LINGO2: variants seen among roughly 807,000 people sequenced by gnomAD.
LINGO2 encodes leucine rich repeat and Ig domain containing 2.
LINGO2 carries 14 observed loss-of-function variants against 30.6 expected under a neutral mutation model. The observed-to-expected ratio is 0.46, with a 90% confidence interval of 0.30 to 0.72. The LOEUF is 0.72. Among genes scored for constraint, LINGO2 ranks in the 30% least tolerant of loss-of-function variants. The pLI, the probability that LINGO2 is intolerant of heterozygous loss-of-function variation, is 0.07. For missense variants in LINGO2, 729 were observed against 751.7 expected (o/e 0.97, Z 0.35); for synonymous variants, 317 against 288.5 (o/e 1.10, Z -1.00).
intron 1 of LINGO2, among the ~76,000 whole-genome samples, chr9:28,575,800 T>C (rs1303708991): frequency 6.6e-6 from 1 of 152,154 alleles, no homozygotes; most frequent in Non-Finnish European, 1.5e-5. Context: ...TCTGTACCAT[T>C]TGCATGGAAC....
intron 2 of LINGO2, among the ~76,000 whole-genome samples, chr9:28,416,124 C>T (rs190579391): frequency 6.6e-6 from 1 of 152,202 alleles, no homozygotes; most frequent in East Asian, 1.9e-4. Context: ...GCTCATTATA[C>T]CACTATCACA....
At chr9:28,763,701 T>C in the LINGO2 span, among the ~76,000 whole-genome samples, 20 of 151,106 alleles carry the variant, frequency 1.3e-4, 2 homozygotes, top group African/African-American at 4.9e-4. Context: ...ATAAATTAAA[T>C]AGAGAATCTA....
chr9:28,443,732 G>A (rs1824292543), intron 2 of LINGO2, among the ~76,000 whole-genome samples: 1 of 152,194 alleles, frequency 6.6e-6, no homozygotes, highest in African/African-American at 2.4e-5. Flanking sequence ...GGAGCTGAGG[G>A]TGACTCAGTG....
intron 3 of LINGO2, among the ~76,000 whole-genome samples, chr9:28,357,315 G>GAACCCCC (rs796282898): frequency 1.5e-5 from 1 of 66,060 alleles, no homozygotes; most frequent in Non-Finnish European, 3.5e-5. Flanking sequence ...CAGAAATAAA[G>GAACCCCC]CCCACCCCCC....
At chr9:28,183,712 G>T (rs1004970354) in intron 4 of LINGO2, among the ~76,000 whole-genome samples, 1 of 152,128 alleles carries the variant, frequency 6.6e-6, no homozygotes, top group African/African-American at 2.4e-5. Flanking sequence ...CTGTATACAT[G>T]TAAGTGTCTC....
chr9:28,093,284 G>T (rs1374040548), intron 4 of LINGO2, among the ~76,000 whole-genome samples: 2 of 151,906 alleles, frequency 1.3e-5, no homozygotes, highest in Non-Finnish European at 2.9e-5. Flanking sequence ...AGACACCTCT[G>T]TGAAAAAAAA....
chr9:28,864,385 G>A, the LINGO2 span, among the ~76,000 whole-genome samples: 1 of 151,974 alleles, frequency 6.6e-6, no homozygotes, highest in African/African-American at 2.4e-5. Context: ...GTTCAACTCT[G>A]AAAGAAAACC....
chr9:28,417,434 G>A (rs1362221516), intron 2 of LINGO2, among the ~76,000 whole-genome samples: 1 of 152,184 alleles, frequency 6.6e-6, no homozygotes, highest in East Asian at 1.9e-4. Flanking sequence ...ATTTTAAAAT[G>A]TGGCATTGGC....
At chr9:27,966,948 C>G (rs1820132166) in intron 5 of LINGO2, among the ~76,000 whole-genome samples, 1 of 152,050 alleles carries the variant, frequency 6.6e-6, no homozygotes, top group African/African-American at 2.4e-5. Context: ...GTAGTTTTCC[C>G]TTGCAGATTC....
At chr9:28,577,208 T>A (rs1227037650) in intron 1 of LINGO2, among the ~76,000 whole-genome samples, 1 of 152,214 alleles carries the variant, frequency 6.6e-6, no homozygotes, top group Non-Finnish European at 1.5e-5. Flanking sequence ...TATTAGCTCT[T>A]GTTCCAGAGG....
the LINGO2 span, among the ~76,000 whole-genome samples, chr9:28,931,283 T>C: frequency 1.1e-4 from 17 of 152,350 alleles, 1 homozygote; most frequent in East Asian, 3.3e-3. Context: ...GACACTAATA[T>C]AAAAGAGTGA....
chr9:28,564,169 A>T (rs1823245558), intron 1 of LINGO2, among the ~76,000 whole-genome samples: 1 of 152,178 alleles, frequency 6.6e-6, no homozygotes, highest in Non-Finnish European at 1.5e-5. Context: ...CAAAATAATT[A>T]TCTTTTGCTG....
chr9:29,051,796 G>A, the LINGO2 span, among the ~76,000 whole-genome samples: 5 of 151,926 alleles, frequency 3.3e-5, no homozygotes, highest in Admixed American at 3.3e-4. Context: ...TTCAAATTCT[G>A]GCTCCACCCA....
intron 2 of LINGO2, among the ~76,000 whole-genome samples, chr9:28,391,689 T>G (rs1446554233): frequency 1.3e-5 from 2 of 152,076 alleles, no homozygotes; most frequent in Non-Finnish European, 2.9e-5. Flanking sequence ...AATCATGTTT[T>G]CTTTATTGCT....
chr9:28,647,566 T>G (rs1174791530), intron 1 of LINGO2, among the ~76,000 whole-genome samples: 1 of 152,066 alleles, frequency 6.6e-6, no homozygotes, highest in Admixed American at 6.6e-5. Context: ...TTCCTGGATC[T>G]ATACTTTTAT....
intron 5 of LINGO2, 68 bp from the exon 7 acceptor site, chr9:27,950,774 T>C (rs948086039): frequency 9.7e-6 from 8 of 828,124 alleles, no homozygotes; most frequent in Non-Finnish European, 1.0e-5. Flanking sequence ...TGAAGGGGCA[T>C]AAATAGGGCA....
At chr9:29,065,966 A>T in the LINGO2 span, among the ~76,000 whole-genome samples, 1 of 151,990 alleles carries the variant, frequency 6.6e-6, no homozygotes, top group Non-Finnish European at 1.5e-5. Flanking sequence ...AAAAACAACA[A>T]AATATTTAAG....
chr9:27,991,312 G>C (rs968489005), intron 5 of LINGO2, among the ~76,000 whole-genome samples: 2 of 152,040 alleles, frequency 1.3e-5, no homozygotes, highest in African/African-American at 4.8e-5. Flanking sequence ...AGAGCTTAGA[G>C]AGTAATTTTT....
intron 1 of LINGO2, among the ~76,000 whole-genome samples, chr9:28,479,954 TATG>T (rs1825892207): frequency 1.7e-5 from 2 of 120,506 alleles, no homozygotes; most frequent in Non-Finnish European, 1.8e-5. Flanking sequence ...TATATATATA[TATG>T]TACATTTTGA....
Sources: allele counts gnomAD v4.1 joint callset (sites outside exome capture counted in the v4.1 genomes callset), GRCh38; gene constraint gnomAD v4.1.1; transcripts MANE v1.5; gene names NCBI Gene and HGNC (gene_info 2026-07-23, HGNC 2026-07-21).